CRB1: variants seen among roughly 807,000 people sequenced by gnomAD.
The protein encoded by CRB1 is crumbs cell polarity complex component 1.
In CRB1, 83 loss-of-function variants were observed where a neutral mutation model predicts 120.0. That is an observed-to-expected ratio of 0.69 (90% CI 0.58 to 0.83). The LOEUF (loss-of-function observed/expected upper bound fraction) is 0.83, where lower values mean the gene tolerates loss of function less well. Among genes scored for constraint, CRB1 ranks in the 40% least tolerant of loss-of-function variants. The pLI is 0.00. For synonymous variants in CRB1, 625 were observed against 612.5 expected, an observed-to-expected ratio of 1.02 and a Z score of -0.30; for missense variants, 1,699 against 1,687.6, an observed-to-expected ratio of 1.01 and a Z score of -0.12.
At chr1:197,222,275 G>A in the CRB1 span, 1 of 589,186 alleles carries the variant, frequency 1.7e-6, no homozygotes, top group Non-Finnish European at 3.2e-6. Flanking sequence ...GAGGGAACGA[G>A]TTTAGTTCTT....
intron 1 of CRB1, among the ~76,000 whole-genome samples, chr1:197,274,677 A>G (rs1655105274): frequency 6.6e-6 from 1 of 152,184 alleles, no homozygotes; most frequent in African/African-American, 2.4e-5. Context: ...AATTGGAATC[A>G]TACAATATGT....
intron 5 of CRB1, among the ~76,000 whole-genome samples, chr1:197,410,885 C>T (rs554283026): frequency 3.3e-5 from 5 of 152,298 alleles, no homozygotes; most frequent in African/African-American, 1.2e-4. Flanking sequence ...CATACTGTCT[C>T]CCAAGACAGC....
chr1:197,209,888 T>A, the CRB1 span, among the ~76,000 whole-genome samples: 1 of 152,200 alleles, frequency 6.6e-6, no homozygotes, highest in Non-Finnish European at 1.5e-5. Flanking sequence ...AGGCAGATGA[T>A]CCCCCTTTTA....
At chr1:197,400,887 C>T (rs893103961) in intron 5 of CRB1, among the ~76,000 whole-genome samples, 1 of 152,064 alleles carries the variant, frequency 6.6e-6, no homozygotes, top group Non-Finnish European at 1.5e-5. Context: ...GTTAAAAATT[C>T]TAATCGCACA....
chr1:197,477,965 T>C lies in CRB1; in HGVS notation c.*86T>C. The C allele has an allele frequency of 7.6e-7, 1 of 1,310,976 alleles. No individual in the cohort carries two copies. The highest frequency in any genetic ancestry group is 1.1e-6 in the Non-Finnish European group (1 of 906,510). 81.2% of individuals were successfully genotyped at this position (1,310,976 alleles called of 1,614,324 possible). ...GGTATCTCTGACATACCTGACAATG[T>C]TAATCTGCAACTGGGATTACACTGG... On this transcript the variant is annotated 3_prime_UTR_variant, in exon 12 of 12. Transcript: ENST00000367400.
chr1:197,354,817 GCCCCCCCACCCCCCC>G lies in CRB1; in HGVS notation c.989-2008_989-1994del, dbSNP rs1660356488. ...GCTTTTATTCCCTTATCTGCCCCCC[GCCCCCCCACCCCCCC>G]CCCCCGCCCACCCCCCCCCCCCCGC... On this transcript the variant is annotated intron_variant, in intron 4 of 11. Coordinates refer to ENST00000367400, the MANE Select transcript of CRB1 (RefSeq NM_201253.3). 2.7e-3 allele frequency among the ~76,000 whole-genome samples: 53 copies of G among 19,468 alleles called. 1 individual carries two copies. Among genetic ancestry groups the G allele is most frequent in the Admixed American group, 0.019 (23 of 1,218 alleles). The allele number at this position is 19,468 out of a possible 152,430, so 12.8% of individuals were successfully genotyped here.
At chr1:197,430,754 G>A (rs1000904877) in intron 8 of CRB1, among the ~76,000 whole-genome samples, 2 of 152,038 alleles carry the variant, frequency 1.3e-5, no homozygotes, top group Admixed American at 6.6e-5. Context: ...CTTTCATCAT[G>A]AGAATATAAG....
At chr1:197,436,167 C>T (rs1433052550) in intron 9 of CRB1, among the ~76,000 whole-genome samples, 2 of 152,064 alleles carry the variant, frequency 1.3e-5, no homozygotes, top group African/African-American at 4.8e-5. Flanking sequence ...TGACCACAAA[C>T]CTTAACAATA....
At chr1:197,342,460 T>C (rs1571869966) in intron 2 of CRB1, among the ~76,000 whole-genome samples, 1 of 152,190 alleles carries the variant, frequency 6.6e-6, no homozygotes, top group East Asian at 1.9e-4. Flanking sequence ...TCTACCTTCT[T>C]CTCGTCTAGC....
chr1:197,282,754 C>G (rs541687822), intron 1 of CRB1, among the ~76,000 whole-genome samples: 1 of 151,826 alleles, frequency 6.6e-6, no homozygotes, highest in Non-Finnish European at 1.5e-5. Flanking sequence ...ACTATTATTT[C>G]TCAATTGTTA....
rs1272126027 is a variant in CRB1, at chr1:197,438,429, C to T, written c.3750-118C>T. 3 of 1,269,004 alleles carry T rather than the reference C, an allele frequency of 2.4e-6. No individual in the cohort carries two copies. In the East Asian group the frequency reaches 7.3e-5, roughly 31 times the overall value. 78.6% of individuals were successfully genotyped at this position (1,269,004 alleles called of 1,614,324 possible). ...CAGCACAATTAAGCATTTGTAGCTC[C>T]TCCAGCCTGAGTACTTAATTAGCTT... is the stretch of plus-strand genomic sequence containing the variant. On this transcript the variant is annotated intron_variant, in intron 9 of 11. Transcript: ENST00000367400.
At chr1:197,344,050 T>C (rs1405684757) in intron 2 of CRB1, among the ~76,000 whole-genome samples, 1 of 152,232 alleles carries the variant, frequency 6.6e-6, no homozygotes, top group Non-Finnish European at 1.5e-5. Flanking sequence ...TTTCACGGAC[T>C]AAACACCACA....
intron 1 of CRB1, among the ~76,000 whole-genome samples, chr1:197,281,409 A>C (rs2125219725): frequency 6.6e-6 from 1 of 152,010 alleles, no homozygotes; most frequent in East Asian, 1.9e-4. Context: ...TTGCTCATGT[A>C]GTCAGGACTG....
At chr1:197,247,875 T>C in the CRB1 span, among the ~76,000 whole-genome samples, 1 of 152,078 alleles carries the variant, frequency 6.6e-6, no homozygotes, top group African/African-American at 2.4e-5. Context: ...TCATTTCACA[T>C]GACTCTTCAC....
intron 5 of CRB1, among the ~76,000 whole-genome samples, chr1:197,417,378 G>A (rs1327313026): frequency 1.3e-5 from 2 of 152,192 alleles, no homozygotes; most frequent in African/African-American, 2.4e-5. Context: ...CAGGTTAAGG[G>A]TACGTGAATC....
At chr1:197,419,303 C>T (rs1413812795) in intron 5 of CRB1, among the ~76,000 whole-genome samples, 5 of 149,932 alleles carry the variant, frequency 3.3e-5, no homozygotes, top group Admixed American at 6.6e-5. Flanking sequence ...ATATTAATAA[C>T]AAACAATAAA....
chr1:197,349,872 G>A (rs1197145540), intron 4 of CRB1, among the ~76,000 whole-genome samples: 2 of 151,644 alleles, frequency 1.3e-5, no homozygotes, highest in South Asian at 2.1e-4. Context: ...AGGCCGAGGC[G>A]GGTGGATCAT....
the CRB1 span, among the ~76,000 whole-genome samples, chr1:197,237,021 G>T: frequency 6.6e-6 from 1 of 151,482 alleles, no homozygotes; most frequent in South Asian, 2.1e-4. Flanking sequence ...AGGCATTAGG[G>T]TAATGCTAAC....
rs564811129 is a variant in CRB1 at position 197,372,844 on chromosome 1, C to T, written c.1171+15831C>T. 3.3e-5 allele frequency among the ~76,000 whole-genome samples: 5 copies of T among 152,192 alleles called. No homozygotes were observed. The South Asian group carries it at 8.3e-4, about 25-fold the overall frequency. ...TCAGCTATGGTGAAGTAGTTTAGGA[C>T]CAGCCAAGTTTGCAAGACTTTTGGT... On this transcript the variant is annotated intron_variant, in intron 5 of 11. Transcript: ENST00000367400.
Sources: allele counts gnomAD v4.1 joint callset (sites outside exome capture counted in the v4.1 genomes callset), GRCh38; gene constraint gnomAD v4.1.1; transcripts MANE v1.5; gene names NCBI Gene and HGNC (gene_info 2026-07-23, HGNC 2026-07-21).